The following NTRK2 variants were observed in gnomAD, a reference collection of about 807,000 sequenced individuals.
NTRK2 encodes neurotrophic receptor tyrosine kinase 2.
NTRK2 carries 13 observed loss-of-function variants against 94.5 expected under a neutral mutation model. The observed-to-expected ratio is 0.14, with a 90% CI of 0.09 to 0.22. The LOEUF (loss-of-function observed/expected upper bound fraction) is 0.22. Among genes scored for constraint, NTRK2 ranks in the 10% least tolerant of loss-of-function variants. The pLI is 1.00. For synonymous variants in NTRK2, 372 were observed against 407.4 expected (o/e 0.91, Z 1.05); for missense variants, 639 against 1,071.2 (o/e 0.60, Z 5.63).
intron 14 of NTRK2, among the ~76,000 whole-genome samples, chr9:84,895,149 T>A (rs1023760617): frequency 5.3e-5 from 8 of 152,180 alleles, no homozygotes; most frequent in African/African-American, 2.4e-5. Context: ...TCTTAAAAAG[T>A]CTTTTAAAAA....
intron 17 of NTRK2, among the ~76,000 whole-genome samples, chr9:84,979,923 A>G (rs997199398): frequency 2.6e-5 from 4 of 152,258 alleles, no homozygotes; most frequent in Non-Finnish European, 5.9e-5. Flanking sequence ...TTTAAAATTA[A>G]GGTATCTACA....
intron 12 of NTRK2, among the ~76,000 whole-genome samples, chr9:84,766,668 A>G (rs997245540): frequency 6.6e-6 from 1 of 151,510 alleles, no homozygotes. Context: ...CACACACTCA[A>G]CACACAAACA....
chr9:84,681,267 A>G (rs1232044893), intron 2 of NTRK2, among the ~76,000 whole-genome samples: 3 of 152,072 alleles, frequency 2.0e-5, no homozygotes, highest in Non-Finnish European at 4.4e-5. Flanking sequence ...CCCCAAACCC[A>G]TTGCCAGTGT....
At chr9:84,668,548 G>C (rs2058506485), upstream of NTRK2, 1 of 152,284 alleles carries the variant, frequency 6.6e-6, no homozygotes, top group Non-Finnish European at 1.5e-5. Flanking sequence ...AGCCGCAAAA[G>C]GGAAGACGGA....
At chr9:84,720,189 A>G (rs1374986955) in intron 6 of NTRK2, among the ~76,000 whole-genome samples, 2 of 152,172 alleles carry the variant, frequency 1.3e-5, no homozygotes, top group Non-Finnish European at 2.9e-5. Context: ...CAGAACTACT[A>G]CAATGCTTAG....
chr9:84,947,282 T>A (rs1045170488), intron 15 of NTRK2, among the ~76,000 whole-genome samples: 1 of 152,222 alleles, frequency 6.6e-6, no homozygotes, highest in African/African-American at 2.4e-5. Context: ...AGGACCCTTG[T>A]AATGACATTG....
intron 12 of NTRK2, among the ~76,000 whole-genome samples, chr9:84,852,606 C>A (rs921928856): frequency 6.6e-6 from 1 of 152,134 alleles, no homozygotes; most frequent in South Asian, 2.1e-4. Flanking sequence ...AAGATTGTGA[C>A]CACCTCTGTT....
At chr9:84,702,290 G>A in intron 3 of NTRK2, 57 bp downstream of exon 3, 6 of 1,607,692 alleles carry the variant, frequency 3.7e-6, no homozygotes, top group Non-Finnish European at 5.1e-6. Context: ...TGTCTGCTCT[G>A]GTCAGGCAGG....
chr9:84,934,857 C>A lies in NTRK2; in HGVS notation c.1764+565C>A, dbSNP rs146547475. Among the ~76,000 whole-genome samples, 58 of 152,240 alleles carry A rather than the reference C, an allele frequency of 3.8e-4. No individual in the cohort carries two copies. In the East Asian group the frequency reaches 0.011, roughly 28 times the overall value. On this transcript the variant is annotated intron_variant, in intron 15 of 18. Transcript: ENST00000277120. The stretch of plus-strand genomic sequence containing the variant: ...CTGTGGAATTCACCACCCAAGGAGA[C>A]ATAGTGGTTTTACTAAAATGAAGAC...
In NTRK2 at chr9:84,976,904, T is replaced by C. The variant is rs547989922; in HGVS notation, c.2172+21387T>C. On this transcript the variant is annotated intron_variant, in intron 17 of 18. Coordinates refer to ENST00000277120, the MANE Select transcript of NTRK2 (RefSeq NM_006180.6). ...CCATATGATTGAATATTTACTGATT[T>C]ATTTGTTTTTACACACTATTCTCTT... 4.7e-4 allele frequency among the ~76,000 whole-genome samples: 71 copies of C among 152,368 alleles called. 2 individuals carry two copies. The South Asian group carries it at 9.1e-3, about 20-fold the overall frequency.
intron 17 of NTRK2, among the ~76,000 whole-genome samples, chr9:85,001,338 C>T (rs554816402): frequency 4.6e-5 from 7 of 152,334 alleles, no homozygotes; most frequent in African/African-American, 1.4e-4. Flanking sequence ...ACATTTTCCA[C>T]AGTGCCCACT....
chr9:84,837,860 T>TA (rs1300060166), intron 12 of NTRK2, among the ~76,000 whole-genome samples: 1 of 152,196 alleles, frequency 6.6e-6, no homozygotes, highest in Non-Finnish European at 1.5e-5. Flanking sequence ...CCATCATACT[T>TA]ACTGATAAAA....
intron 9 of NTRK2, among the ~76,000 whole-genome samples, chr9:84,737,658 A>G (rs546412320): frequency 6.6e-6 from 1 of 152,164 alleles, no homozygotes; most frequent in East Asian, 1.9e-4. Flanking sequence ...TTCAACTTGT[A>G]TTTTAGAATC....
At chr9:84,847,948 A>G (rs1433094258) in intron 12 of NTRK2, among the ~76,000 whole-genome samples, 1 of 152,146 alleles carries the variant, frequency 6.6e-6, no homozygotes, top group Non-Finnish European at 1.5e-5. Context: ...ATAGTTCTGG[A>G]GGCTACAAGT....
At chr9:84,841,554 G>C (rs572351737) in intron 12 of NTRK2, among the ~76,000 whole-genome samples, 71 of 152,290 alleles carry the variant, frequency 4.7e-4, no homozygotes, top group African/African-American at 1.6e-3. Flanking sequence ...TACAGCATTT[G>C]TATCTGTGGC....
At chr9:84,877,499 C>T (rs1285919427) in intron 14 of NTRK2, 1 of 1,066,318 alleles carries the variant, frequency 9.4e-7, no homozygotes, top group Non-Finnish European at 1.1e-6. Context: ...TACTGTGATT[C>T]TCTCTGTAAG....
At chr9:84,974,951 C>T (rs1209291916) in intron 17 of NTRK2, among the ~76,000 whole-genome samples, 4 of 152,144 alleles carry the variant, frequency 2.6e-5, no homozygotes, top group African/African-American at 7.2e-5. Context: ...GAAAGAAATG[C>T]CCACTTGAAT....
At chr9:84,962,702 T>A (rs1055642900) in intron 17 of NTRK2, among the ~76,000 whole-genome samples, 1 of 152,146 alleles carries the variant, frequency 6.6e-6, no homozygotes, top group Non-Finnish European at 1.5e-5. Flanking sequence ...TTTGAAACAG[T>A]TGGGCCTCCG....
intron 2 of NTRK2, among the ~76,000 whole-genome samples, chr9:84,685,215 T>C (rs559860449): frequency 6.6e-6 from 1 of 152,142 alleles, no homozygotes; most frequent in Non-Finnish European, 1.5e-5. Flanking sequence ...AGTTATGTAA[T>C]GCTATCTTTC....
Sources: gnomAD v4.1 joint callset for allele counts (sites outside exome capture counted in the v4.1 genomes callset) on GRCh38, gnomAD v4.1.1 for gene constraint, MANE v1.5 for transcripts, NCBI Gene and HGNC (gene_info 2026-07-23, HGNC 2026-07-21) for gene names.